DLG2: variants seen among roughly 807,000 people sequenced by gnomAD.
The protein encoded by DLG2 is discs large MAGUK scaffold protein 2.
In DLG2, 45 loss-of-function variants were observed where a neutral mutation model predicts 132.5. That is an observed-to-expected ratio of 0.34 (90% CI 0.27 to 0.44). DLG2 has a LOEUF of 0.44. Ranked by LOEUF, DLG2 falls within the 20% of genes least tolerant of loss-of-function variation. DLG2 has a pLI of 1.00. For synonymous variants in DLG2, 424 were observed against 419.6 expected (o/e 1.01, Z -0.13); for missense variants, 1,045 against 1,196.9 (o/e 0.87, Z 1.87).
chr11:84,283,831 G>A (rs1436380438), intron 7 of DLG2, among the ~76,000 whole-genome samples: 1 of 151,800 alleles, frequency 6.6e-6, no homozygotes, highest in Non-Finnish European at 1.5e-5. Flanking sequence ...CTATTAATGG[G>A]GCCTAAATAG....
At chr11:84,913,669 T>A (rs1285431593) in intron 6 of DLG2, among the ~76,000 whole-genome samples, 1 of 152,182 alleles carries the variant, frequency 6.6e-6, no homozygotes, top group African/African-American at 2.4e-5. Flanking sequence ...ATATATAGGA[T>A]AAAAGAATAT....
chr11:84,779,507 A>T (rs1393092596), intron 6 of DLG2, among the ~76,000 whole-genome samples: 3 of 152,104 alleles, frequency 2.0e-5, no homozygotes, highest in Non-Finnish European at 4.4e-5. Flanking sequence ...TCATCAGCAA[A>T]CAGGAATAAC....
At chr11:84,445,191 T>C (rs776693974) in intron 7 of DLG2, among the ~76,000 whole-genome samples, 1 of 152,210 alleles carries the variant, frequency 6.6e-6, no homozygotes, top group Non-Finnish European at 1.5e-5. Context: ...ATCACCATTA[T>C]CATTTTTTGT....
rs562277591 is a variant in DLG2 at position 84,550,777 on chromosome 11, G to A, written c.358-16046C>T. Among the ~76,000 whole-genome samples, 27 of 152,200 alleles carry A rather than the reference G, an allele frequency of 1.8e-4. No homozygotes were observed. The South Asian group carries it at 3.7e-3, about 21-fold the overall frequency. On this transcript the variant is annotated intron_variant, in intron 6 of 27. Coordinates refer to ENST00000376104, the MANE Select transcript of DLG2 (RefSeq NM_001142699.3). The stretch of plus-strand genomic sequence containing the variant: ...TCATCCAACAGAATGTTTATCTAGC[G>A]TGTTATATGCTAATCACTAAATTTT...
chr11:83,818,583 C>A (rs901754308), intron 17 of DLG2, among the ~76,000 whole-genome samples: 2 of 152,162 alleles, frequency 1.3e-5, no homozygotes, highest in Non-Finnish European at 2.9e-5. Context: ...AAGCCCCTAT[C>A]AAGTTCGTTG....
intron 7 of DLG2, among the ~76,000 whole-genome samples, chr11:84,327,243 C>A (rs2098437150): frequency 6.6e-6 from 1 of 151,404 alleles, no homozygotes; most frequent in Non-Finnish European, 1.5e-5. Flanking sequence ...ACCACCATGC[C>A]CGGCTAATTT....
intron 4 of DLG2, among the ~76,000 whole-genome samples, chr11:85,244,336 G>T (rs764665335): frequency 9.2e-5 from 14 of 151,874 alleles, no homozygotes; most frequent in Non-Finnish European, 1.8e-4. Context: ...GCGAGGAAAG[G>T]AAAAGCTAAG....
At chr11:83,815,879 A>G (rs1160048958) in intron 17 of DLG2, among the ~76,000 whole-genome samples, 3 of 152,134 alleles carry the variant, frequency 2.0e-5, no homozygotes, top group Non-Finnish European at 2.9e-5. Flanking sequence ...ACAAACAAGT[A>G]TTCTCTTCAA....
At chr11:85,111,424 T>C (rs2072718517) in intron 6 of DLG2, among the ~76,000 whole-genome samples, 1 of 152,112 alleles carries the variant, frequency 6.6e-6, no homozygotes, top group South Asian at 2.1e-4. Context: ...AACTCATCAA[T>C]AACCCATTTA....
intron 20 of DLG2, among the ~76,000 whole-genome samples, chr11:83,536,156 A>C (rs2095872015): frequency 6.6e-6 from 1 of 152,220 alleles, no homozygotes; most frequent in African/African-American, 2.4e-5. Context: ...TTGCATCCCC[A>C]TCTCCCTAAT....
chr11:85,158,347 G>A (rs2077748890), intron 4 of DLG2, among the ~76,000 whole-genome samples: 1 of 152,140 alleles, frequency 6.6e-6, no homozygotes, highest in African/African-American at 2.4e-5. Context: ...TTGTTTAGCT[G>A]AAATATGGAT....
chr11:84,758,326 G>A (rs1254548541), intron 6 of DLG2, among the ~76,000 whole-genome samples: 1 of 152,200 alleles, frequency 6.6e-6, no homozygotes, highest in Non-Finnish European at 1.5e-5. Context: ...TAGAACTTGA[G>A]TTGAATTCTG....
In DLG2 at chr11:85,021,343, A is replaced by G. The variant is rs1218754734; in HGVS notation, c.357+90318T>C. On this transcript the variant is annotated intron_variant, in intron 6 of 27. Coordinates refer to ENST00000376104, the MANE Select transcript of DLG2 (RefSeq NM_001142699.3). ...GTCTAAGTCGAAAGAAGAGCCATAC[A>G]TCTGTGCTGCAGATCGTTTCACACC... 5 of 1,283,784 alleles carry G rather than the reference A, an allele frequency of 3.9e-6. No individual in the cohort carries two copies. In the African/African-American group the frequency reaches 7.3e-5, roughly 19 times the overall value. The allele number at this position is 1,283,784 out of a possible 1,614,324, so 79.5% of individuals were successfully genotyped here. A position where few individuals can be genotyped will look rare whatever the true frequency, so the allele number is the denominator to read the frequency against.
intron 3 of DLG2, among the ~76,000 whole-genome samples, chr11:85,433,104 A>G (rs911323381): frequency 5.3e-5 from 8 of 152,184 alleles, no homozygotes; most frequent in Admixed American, 2.6e-4. Context: ...AATCCTTATC[A>G]TAGAGCAAAT....
At chr11:83,716,463 A>T (rs1278419794) in intron 18 of DLG2, among the ~76,000 whole-genome samples, 1 of 152,220 alleles carries the variant, frequency 6.6e-6, no homozygotes, top group Non-Finnish European at 1.5e-5. Flanking sequence ...GTTTTATAGA[A>T]CTAGTGATAA....
At chr11:84,305,599 A>T (rs113365324) in intron 7 of DLG2, among the ~76,000 whole-genome samples, 5,011 of 152,194 alleles carry the variant, frequency 0.033, 133 homozygotes, top group Middle Eastern at 0.051. Flanking sequence ...CTAGCTAGTT[A>T]TCTGTCTATC....
Position 85,405,893 on chromosome 11 carries a change from A to T in DLG2, c.41-120528T>A, listed in dbSNP as rs1438441974. ...AGAGAAAGTCTCATTAAGGAAATAG[A>T]TCAGAAGATATGCTTTAAAGTTAGA... On this transcript the variant is annotated intron_variant, in intron 3 of 27. Transcript: ENST00000376104. 6.6e-5 allele frequency among the ~76,000 whole-genome samples: 10 copies of T among 152,008 alleles called. 1 individual carries two copies. Among genetic ancestry groups the T allele is most frequent in the Admixed American group, 3.3e-4 (5 of 15,224 alleles).
chr11:85,260,667 C>T (rs2076892342), intron 4 of DLG2, among the ~76,000 whole-genome samples: 1 of 152,214 alleles, frequency 6.6e-6, no homozygotes, highest in Non-Finnish European at 1.5e-5. Flanking sequence ...AAAACCCATA[C>T]TTCTATGCAG....
At chr11:84,116,949 A>C (rs1221118444) in intron 9 of DLG2, among the ~76,000 whole-genome samples, 1 of 152,166 alleles carries the variant, frequency 6.6e-6, no homozygotes, top group Non-Finnish European at 1.5e-5. Context: ...CCTATTTCTC[A>C]CTGTGGTTTT....
Sources: gnomAD v4.1 joint callset for allele counts (sites outside exome capture counted in the v4.1 genomes callset) on GRCh38, gnomAD v4.1.1 for gene constraint, MANE v1.5 for transcripts, NCBI Gene and HGNC (gene_info 2026-07-23, HGNC 2026-07-21) for gene names.